Variants in PIK3R2 observed in about 807,000 individuals in gnomAD.
PIK3R2 encodes phosphatidylinositol 3-kinase regulatory subunit beta.
PIK3R2 carries 40 observed loss-of-function variants against 78.5 expected under a neutral mutation model. That is an observed-to-expected ratio of 0.51 (90% confidence interval 0.40 to 0.66). The LOEUF (loss-of-function observed/expected upper bound fraction) is 0.66. Among genes scored for constraint, PIK3R2 ranks in the 30% least tolerant of loss-of-function variants. PIK3R2 has a pLI of 0.00. For missense variants in PIK3R2, 880 were observed against 1,026.6 expected (o/e 0.86, Z 1.95); for synonymous variants, 473 against 457.7 (o/e 1.03, Z -0.43).
rs759315835 is a variant in PIK3R2, at chr19:18,168,875, G to T, written c.1958G>T (p.Gly653Val). The T allele has an allele frequency of 6.2e-7, 1 of 1,613,180 alleles. No homozygotes were observed. The highest frequency in any genetic ancestry group is 8.5e-7 in the Non-Finnish European group (1 of 1,179,684). Residue 653 changes from glycine (G) to valine (V), a missense_variant, in exon 15 of 16, where the codon GGC becomes GTC. By Grantham distance (109) the Gly-to-Val change is moderately radical. Coordinates refer to ENST00000222254, the MANE Select transcript of PIK3R2 (RefSeq NM_005027.4). This position sits in a 1 kb window ranked among gnomAD's most constrained non-coding sequence, Gnocchi z 4.1. ...TFLIRESSQR[G>V]CYACSVVVDG... ...CTCATCCGCGAGAGCAGCCAGCGGG[G>T]CTGCTACGCCTGCTCCGTGGTGTGA...
chr19:18,161,956 TC>T lies in PIK3R2; in HGVS notation c.816-5del. ...TACCCAGCCCTCACCACACTCCCCT[TC>T]CCCCTAAGGAGTGAGCCCAGCCCTG... is the stretch of plus-strand genomic sequence containing the variant. On this transcript the variant is annotated splice_polypyrimidine_tract_variant and intron_variant, in intron 6 of 15. Coordinates refer to ENST00000222254, the MANE Select transcript of PIK3R2 (RefSeq NM_005027.4). This position sits in a 1 kb window ranked among gnomAD's most constrained non-coding sequence, Gnocchi z 5.3. 6.2e-7 allele frequency: 1 copy of T among 1,612,428 alleles called. No homozygotes were observed. Among genetic ancestry groups the T allele is most frequent in the South Asian group, 1.1e-5 (1 of 91,044 alleles).
In PIK3R2 at chr19:18,167,095, C is replaced by T. The variant is rs764576198; in HGVS notation, c.1560-35C>T. On this transcript the variant is annotated intron_variant, in intron 12 of 15. Transcript: ENST00000222254. The surrounding 1 kb of genome is among the most constrained non-coding windows in gnomAD (Gnocchi z 4.5). ...AGGGTGCAGTGAGCCGAGATAAAAC[C>T]CTGAGGTCTCTGCGCCACCCCACCC... 1 of 1,512,380 alleles carries T rather than the reference C, an allele frequency of 6.6e-7. No individual in the cohort carries two copies. Among genetic ancestry groups the T allele is most frequent in the Non-Finnish European group, 8.9e-7 (1 of 1,127,734 alleles). 93.7% of individuals were successfully genotyped at this position (1,512,380 alleles called of 1,614,324 possible).
Position 18,155,948 on chromosome 19 carries a change from G to T in PIK3R2, c.69G>T (p.Leu23=). 6.4e-7 allele frequency: 1 copy of T among 1,571,134 alleles called. No individual in the cohort carries two copies. ...TCCGCCGGGAGCGGCCGGAGGACCT[G>T]GAGCTGCTGCCCGGCGACGTGCTGG... ...YPFRRERPED[L]ELLPGDVLVV... is the part of the protein sequence containing the mutation. Residue 23 remains leucine, a synonymous_variant, in exon 2 of 16, where the codon CTG becomes CTT. Coordinates refer to ENST00000222254, the MANE Select transcript of PIK3R2 (RefSeq NM_005027.4).
rs1167270006 is a variant in PIK3R2 at position 18,156,983 on chromosome 19, A to G, written c.322+782A>G. On this transcript the variant is annotated intron_variant, in intron 2 of 15. Coordinates refer to ENST00000222254, the MANE Select transcript of PIK3R2 (RefSeq NM_005027.4). The surrounding 1 kb of genome is among the most constrained non-coding windows in gnomAD (Gnocchi z 4.2). Reference sequence around the variant, plus strand: ...TGCATGCTCGGCATGGTCTGCTCCGACCCTCCCAGCAGCCCAGCAAAAGGC... The same window carrying G: ...TGCATGCTCGGCATGGTCTGCTCCGGCCCTCCCAGCAGCCCAGCAAAAGGC... 6.6e-6 allele frequency among the ~76,000 whole-genome samples: 1 copy of G among 151,570 alleles called. No homozygotes were observed. The highest frequency in any genetic ancestry group is 1.5e-5 in the Non-Finnish European group (1 of 67,920).
At position 18,170,394 on chromosome 19, in the gene PIK3R2, C is replaced by T. The variant is rs1967158636; in HGVS notation, c.*1100C>T. ...ATTCTGTTTTTCCTTGACTGCAAAA[C>T]CCTCTTTCCTCTCCTCTTTTGGGAC... On this transcript the variant is annotated 3_prime_UTR_variant, in exon 16 of 16. Transcript: ENST00000222254. 2.0e-5 allele frequency: 3 copies of T among 152,138 alleles called. No individual in the cohort carries two copies. The allele number at this position is 152,138 out of a possible 1,614,324, so 9.4% of individuals were successfully genotyped here.
At chr19:18,164,164 C>T (rs1218642339) in intron 11 of PIK3R2, among the ~76,000 whole-genome samples, 1 of 152,004 alleles carries the variant, frequency 6.6e-6, no homozygotes, top group Non-Finnish European at 1.5e-5. Context: ...AATAAGTGTA[C>T]AAGCTTTTAC....
Position 18,165,965 on chromosome 19 carries a change from A to G in PIK3R2, c.1417-195A>G, listed in dbSNP as rs1232262520. 6.9e-6 allele frequency: 5 copies of G among 722,534 alleles called. No individual in the cohort carries two copies. In the East Asian group the frequency reaches 1.3e-4, roughly 19 times the overall value. The allele number at this position is 722,534 out of a possible 1,614,324, so 44.8% of individuals were successfully genotyped here. A position where few individuals can be genotyped will look rare whatever the true frequency, so the allele number is the denominator to read the frequency against. On this transcript the variant is annotated intron_variant, in intron 11 of 15. Transcript: ENST00000222254. ...TGGATACCTATAGGAGGATGTAAAG[A>G]AGAAGAGGGTTTGGGGGGTGGGGTT...
chr19:18,158,029 G>A (rs1599965915), intron 2 of PIK3R2, among the ~76,000 whole-genome samples: 1 of 152,372 alleles, frequency 6.6e-6, no homozygotes, highest in East Asian at 1.9e-4. Context: ...CAAAAGGGGA[G>A]CAATAATTTT....
In PIK3R2 at chr19:18,169,869, C is replaced by A. The variant is rs116085460; in HGVS notation, c.*575C>A. On this transcript the variant is annotated 3_prime_UTR_variant, in exon 16 of 16. Coordinates refer to ENST00000222254, the MANE Select transcript of PIK3R2 (RefSeq NM_005027.4). ...AGTGAAACCCGCCACCGGGTTACCC[C>A]CACAAGGGGGCCGCTGCGAGAAGTT... 4.9e-6 allele frequency: 1 copy of A among 202,512 alleles called. No individual in the cohort carries two copies. Among genetic ancestry groups the A allele is most frequent in the Non-Finnish European group, 1.0e-5 (1 of 98,204 alleles). 12.5% of individuals were successfully genotyped at this position (202,512 alleles called of 1,614,324 possible).
intron 1 of PIK3R2, among the ~76,000 whole-genome samples, chr19:18,154,254 TC>T (rs2043654153): frequency 6.6e-6 from 1 of 151,932 alleles, no homozygotes; most frequent in East Asian, 1.9e-4. Flanking sequence ...TGTGCCTATC[TC>T]CGCCTCCCCA....
In PIK3R2 at chr19:18,169,869, C is replaced by T. The variant is rs116085460; in HGVS notation, c.*575C>T. 0.014 allele frequency: 2,818 copies of T among 202,622 alleles called. 94 individuals carry two copies. The highest frequency in any genetic ancestry group is 0.06 in the African/African-American group (2,631 of 43,704). 12.6% of individuals were successfully genotyped at this position (202,622 alleles called of 1,614,324 possible). A position where few individuals can be genotyped will look rare whatever the true frequency, so the allele number is the denominator to read the frequency against. ...AGTGAAACCCGCCACCGGGTTACCC[C>T]CACAAGGGGGCCGCTGCGAGAAGTT... is the stretch of plus-strand genomic sequence containing the variant. On this transcript the variant is annotated 3_prime_UTR_variant, in exon 16 of 16. Transcript: ENST00000222254.
chr19:18,158,929 CCT>C (rs2093604047), intron 2 of PIK3R2, among the ~76,000 whole-genome samples: 1 of 152,042 alleles, frequency 6.6e-6, no homozygotes, highest in Admixed American at 6.6e-5. Context: ...GCAACCTCTG[CCT>C]CTCGGGTTCA....
chr19:18,162,903 G>T, intron 9 of PIK3R2, 64 bp from the exon 10 acceptor site: 1 of 1,464,670 alleles, frequency 6.8e-7, no homozygotes, highest in East Asian at 2.3e-5. Flanking sequence ...AAAAAAAAAG[G>T]GGACAGGGAT....
rs1419084974 is a variant in PIK3R2, at chr19:18,161,536, T to TTGGGG, written c.815+47_815+51dup. The TTGGGG allele has an allele frequency of 5.8e-6, 2 of 344,086 alleles. No homozygotes were observed. Among genetic ancestry groups the TTGGGG allele is most frequent in the Non-Finnish European group, 9.2e-6 (2 of 216,746 alleles). 21.3% of individuals were successfully genotyped at this position (344,086 alleles called of 1,614,324 possible). On this transcript the variant is annotated intron_variant, in intron 6 of 15. Coordinates refer to ENST00000222254, the MANE Select transcript of PIK3R2 (RefSeq NM_005027.4). The surrounding 1 kb of genome is among the most constrained non-coding windows in gnomAD (Gnocchi z 5.3). ...GAGCCGGAGCGAGCAGGGGTGGAGT[T>TTGGGG]TGGGGTGGGGCGGGCGGGGCATGGC...
intron 12 of PIK3R2, 151 bp downstream of exon 12, chr19:18,166,453 G>C (rs1457393206): frequency 1.5e-6 from 1 of 672,366 alleles, no homozygotes. Context: ...GCTCAGGCCT[G>C]TAATCCCAGC....
At chr19:18,157,822 G>A (rs947365118) in intron 2 of PIK3R2, among the ~76,000 whole-genome samples, 3 of 138,896 alleles carry the variant, frequency 2.2e-5, no homozygotes, top group East Asian at 2.3e-4. Flanking sequence ...GGGAGGCCCC[G>A]CAGGCCCCGG....
intron 1 of PIK3R2, among the ~76,000 whole-genome samples, chr19:18,154,848 A>C (rs273275): frequency 6.6e-6 from 1 of 150,996 alleles, no homozygotes; most frequent in Non-Finnish European, 1.5e-5. Context: ...AGGCAGAGGC[A>C]GGAGGACTGC....
intron 1 of PIK3R2, among the ~76,000 whole-genome samples, chr19:18,154,327 T>G (rs1178986473): frequency 6.6e-6 from 1 of 152,030 alleles, no homozygotes; most frequent in East Asian, 1.9e-4. Context: ...CCTCCTCAGC[T>G]GCAGTACCCC....
rs1367503265 is a variant in PIK3R2, at chr19:18,163,058, C to A, written c.1201C>A (p.Leu401Ile). 6.2e-7 allele frequency: 1 copy of A among 1,613,686 alleles called. No homozygotes were observed. Among genetic ancestry groups the A allele is most frequent in the African/African-American group, 1.3e-5 (1 of 74,814 alleles). Residue 401 changes from leucine (L) to isoleucine (I), a missense_variant, in exon 10 of 16, where the codon CTC becomes ATC. This residue lies in a region of PIK3R2 where 156 missense variants were observed against 241.0 expected (regional missense o/e 0.65). Coordinates refer to ENST00000222254, the MANE Select transcript of PIK3R2 (RefSeq NM_005027.4). The part of the protein sequence containing the change: ...EPLTFCSVVD[L>I]INHYRHESLA... ...ACTCACCTTCTGCTCCGTTGTGGAC[C>A]TCATCAATCACTACCGCCACGAGTC...
Sources: allele counts gnomAD v4.1 joint callset (sites outside exome capture counted in the v4.1 genomes callset), GRCh38; gene constraint gnomAD v4.1.1; regional missense constraint gnomAD v4.1.1; non-coding constraint Gnocchi (gnomAD v3.1); transcripts MANE v1.5; gene names NCBI Gene and HGNC (gene_info 2026-07-23, HGNC 2026-07-21).